Variants in CALCR observed in about 807,000 individuals in gnomAD.
The protein encoded by CALCR is calcitonin receptor.
A neutral mutation model predicts 59.5 loss-of-function variants in CALCR; 47 were observed. The ratio of observed to expected loss-of-function variants is 0.79; its 90% CI spans 0.63 to 1.01. CALCR has a LOEUF of 1.01. CALCR is among the 50% of genes least tolerant of loss of function. The pLI is 0.00. For synonymous variants in CALCR, 213 were observed against 211.3 expected, an observed-to-expected ratio of 1.01 and a Z score of -0.07; for missense variants, 566 against 597.1, an observed-to-expected ratio of 0.95 and a Z score of 0.54.
At chr7:93,514,234 G>A (rs1801606730) in intron 2 of CALCR, among the ~76,000 whole-genome samples, 1 of 151,928 alleles carries the variant, frequency 6.6e-6, no homozygotes, top group African/African-American at 2.4e-5. Flanking sequence ...ATTTGTTTTT[G>A]CATGTTCAAT....
At chr7:93,537,739 T>TAC (rs1789029422) in intron 2 of CALCR, among the ~76,000 whole-genome samples, 1 of 151,452 alleles carries the variant, frequency 6.6e-6, no homozygotes, top group Non-Finnish European at 1.5e-5. Context: ...CATACATACA[T>TAC]ACATACATAT....
intron 2 of CALCR, among the ~76,000 whole-genome samples, chr7:93,532,560 A>G (rs1369748224): frequency 3.3e-5 from 5 of 152,000 alleles, no homozygotes; most frequent in Admixed American, 6.6e-5. Context: ...ATTGCTCTTC[A>G]TGGTGTGCCA....
At chr7:93,521,962 G>A (rs1444702370) in intron 2 of CALCR, among the ~76,000 whole-genome samples, 1 of 152,076 alleles carries the variant, frequency 6.6e-6, no homozygotes, top group Non-Finnish European at 1.5e-5. Flanking sequence ...ATTTCTGAAT[G>A]CTCTTAACTT....
chr7:93,427,245 A>G (rs1208728172), intron 13 of CALCR, among the ~76,000 whole-genome samples: 4 of 152,244 alleles, frequency 2.6e-5, no homozygotes, highest in Admixed American at 6.5e-5. Context: ...CTAACATCAG[A>G]AAGCTCTAAA....
At chr7:93,558,557 G>A (rs376779343) in intron 2 of CALCR, among the ~76,000 whole-genome samples, 6 of 152,034 alleles carry the variant, frequency 3.9e-5, no homozygotes, top group Admixed American at 2.6e-4. Context: ...GGTTTCACAT[G>A]TCTTGCTGTT....
intron 8 of CALCR, among the ~76,000 whole-genome samples, chr7:93,459,360 C>A (rs965041700): frequency 6.6e-6 from 1 of 152,164 alleles, no homozygotes; most frequent in African/African-American, 2.4e-5. Flanking sequence ...TGATTTGAGG[C>A]AAATTGCTTT....
chr7:93,571,298 C>T (rs949328472), intron 2 of CALCR, among the ~76,000 whole-genome samples: 1 of 152,086 alleles, frequency 6.6e-6, no homozygotes, highest in African/African-American at 2.4e-5. Flanking sequence ...CTAGACACGA[C>T]ATCCTTGAGG....
chr7:93,474,904 C>T (rs1237659763), intron 5 of CALCR, among the ~76,000 whole-genome samples: 4 of 151,620 alleles, frequency 2.6e-5, no homozygotes, highest in Admixed American at 2.6e-4. Context: ...ATGTGGAAAT[C>T]AGAATCATAT....
intron 7 of CALCR, among the ~76,000 whole-genome samples, chr7:93,463,634 C>A (rs1800384621): frequency 6.6e-6 from 1 of 151,870 alleles, no homozygotes; most frequent in Non-Finnish European, 1.5e-5. Flanking sequence ...GCCTTCAGGG[C>A]CCTTATATAC....
At chr7:93,446,658 C>T (rs1379413349) in intron 8 of CALCR, among the ~76,000 whole-genome samples, 1 of 151,930 alleles carries the variant, frequency 6.6e-6, no homozygotes, top group African/African-American at 2.4e-5. Context: ...AGGCATTAAA[C>T]AAAATGATGG....
intron 2 of CALCR, among the ~76,000 whole-genome samples, chr7:93,489,869 G>A (rs1304851056): frequency 1.3e-5 from 2 of 151,476 alleles, no homozygotes; most frequent in African/African-American, 4.8e-5. Flanking sequence ...AAACTATTCT[G>A]AAGAATTGAA....
chr7:93,560,351 C>T (rs1335263244), intron 2 of CALCR, among the ~76,000 whole-genome samples: 2 of 151,954 alleles, frequency 1.3e-5, no homozygotes, highest in Admixed American at 6.6e-5. Flanking sequence ...AAACCAAAAA[C>T]AAAATAAACA....
In CALCR at chr7:93,537,088, A is replaced by G. The variant is rs192137570; in HGVS notation, c.-27+37201T>C. Among the ~76,000 whole-genome samples the G allele has an allele frequency of 3.8e-4, 58 of 151,736 alleles. No homozygotes were observed. In the East Asian group the frequency reaches 0.011, roughly 29 times the overall value. ...TTACTATTCTTGCGACTTTTTTGTGAGCTTGAAATTCTATGAAAACAAAAA... is the reference window on the plus strand; with the variant it reads ...TTACTATTCTTGCGACTTTTTTGTGGGCTTGAAATTCTATGAAAACAAAAA... On this transcript the variant is annotated intron_variant, in intron 2 of 13. Transcript: ENST00000426151.
chr7:93,541,938 T>C (rs1290341169), intron 2 of CALCR, among the ~76,000 whole-genome samples: 5 of 152,210 alleles, frequency 3.3e-5, no homozygotes, highest in Non-Finnish European at 7.3e-5. Context: ...TATTAGTAGC[T>C]GGTTTTTTTT....
At chr7:93,484,053 G>T (rs1800867465) in intron 3 of CALCR, 1 of 492,688 alleles carries the variant, frequency 2.0e-6, no homozygotes, top group Non-Finnish European at 4.3e-6. Context: ...AACATCATCA[G>T]TTTTTTTCAG....
intron 2 of CALCR, among the ~76,000 whole-genome samples, chr7:93,489,600 C>A (rs1410294109): frequency 6.6e-6 from 1 of 151,852 alleles, no homozygotes; most frequent in African/African-American, 2.4e-5. Flanking sequence ...ACTGACCCCA[C>A]AGAAATACAA....
intron 11 of CALCR, among the ~76,000 whole-genome samples, chr7:93,437,555 C>T (rs918329979): frequency 6.6e-6 from 1 of 152,062 alleles, no homozygotes; most frequent in African/African-American, 2.4e-5. Flanking sequence ...CTACTGAATC[C>T]TAGGTAAGTA....
At chr7:93,434,434 C>T in intron 12 of CALCR, 140 bp from the exon 13 acceptor site, 1 of 593,792 alleles carries the variant, frequency 1.7e-6, no homozygotes, top group Non-Finnish European at 3.0e-6. Flanking sequence ...CATTCATAGT[C>T]AGTGCTGCAC....
At chr7:93,466,944 T>G (rs764964035) in intron 7 of CALCR, among the ~76,000 whole-genome samples, 9 of 151,796 alleles carry the variant, frequency 5.9e-5, no homozygotes, top group Non-Finnish European at 1.2e-4. Context: ...TTTAAGTGAC[T>G]GGAGAAATAA....
Sources: allele counts gnomAD v4.1 joint callset (sites outside exome capture counted in the v4.1 genomes callset), GRCh38; gene constraint gnomAD v4.1.1; transcripts MANE v1.5; gene names NCBI Gene and HGNC (gene_info 2026-07-23, HGNC 2026-07-21).